HS3ST3A1: variants seen among roughly 807,000 people sequenced by gnomAD.
HS3ST3A1 encodes heparan sulfate glucosamine 3-O-sulfotransferase 3A1.
In HS3ST3A1, 19 loss-of-function variants were observed where a neutral mutation model predicts 25.7. That is an observed-to-expected ratio of 0.74 (90% confidence interval 0.52 to 1.08). HS3ST3A1 has a LOEUF of 1.08. Ranked by LOEUF, HS3ST3A1 falls within the 50% of genes least tolerant of loss-of-function variation. The pLI, the probability that HS3ST3A1 is intolerant of heterozygous loss-of-function variation, is 0.00. For synonymous variants in HS3ST3A1, 226 were observed against 278.6 expected (o/e 0.81, Z 1.88); for missense variants, 459 against 594.3 (o/e 0.77, Z 2.37).
Position 13,574,763 on chromosome 17 carries a change from A to C in HS3ST3A1, c.599+25768T>G, listed in dbSNP as rs199534094. Among the ~76,000 whole-genome samples the C allele has an allele frequency of 3.0e-4, 14 of 46,190 alleles. 1 individual carries two copies. The highest frequency in any genetic ancestry group is 1.2e-3 in the African/African-American group (13 of 10,852). 30.3% of individuals were successfully genotyped at this position (46,190 alleles called of 152,430 possible). A position where few individuals can be genotyped will look rare whatever the true frequency, so the allele number is the denominator to read the frequency against. On this transcript the variant is annotated intron_variant, in intron 1 of 1. Transcript: ENST00000284110. ...AAATACACACACACACACACACAAAAAACACACAAAAAAAATGAAGGGCAT... is the reference window on the plus strand; with the variant it reads ...AAATACACACACACACACACACAAACAACACACAAAAAAAATGAAGGGCAT...
At chr17:13,515,537 TC>T (rs1906027333) in intron 1 of HS3ST3A1, among the ~76,000 whole-genome samples, 2 of 151,380 alleles carry the variant, frequency 1.3e-5, no homozygotes, top group South Asian at 4.2e-4. Flanking sequence ...GATTTGTTTA[TC>T]CATTTAACTG....
At chr17:13,568,669 T>G (rs1907732326) in intron 1 of HS3ST3A1, among the ~76,000 whole-genome samples, 1 of 152,226 alleles carries the variant, frequency 6.6e-6, no homozygotes, top group African/African-American at 2.4e-5. Flanking sequence ...TACTGCCTCT[T>G]CCACACGGTA....
At chr17:13,510,718 T>A (rs1905834092) in intron 1 of HS3ST3A1, among the ~76,000 whole-genome samples, 1 of 152,026 alleles carries the variant, frequency 6.6e-6, no homozygotes, top group African/African-American at 2.4e-5. Context: ...ATTTTTTTTT[T>A]TTTTTATACG....
chr17:13,520,545 G>T (rs1405309541), intron 1 of HS3ST3A1, among the ~76,000 whole-genome samples: 1 of 152,114 alleles, frequency 6.6e-6, no homozygotes, highest in African/African-American at 2.4e-5. Context: ...ACCAGTCTAT[G>T]TCTGTAGAAC....
intron 1 of HS3ST3A1, among the ~76,000 whole-genome samples, chr17:13,530,776 C>T (rs1409436497): frequency 5.3e-5 from 8 of 152,122 alleles, no homozygotes; most frequent in Admixed American, 3.9e-4. Context: ...AACTCAATCG[C>T]TCAGTTTTCT....
chr17:13,502,061 T>G, intron 1 of HS3ST3A1, among the ~76,000 whole-genome samples: 1 of 152,114 alleles, frequency 6.6e-6, no homozygotes, highest in South Asian at 2.1e-4. Context: ...TTTTCCTATC[T>G]GGCTCAAACA....
intron 1 of HS3ST3A1, among the ~76,000 whole-genome samples, chr17:13,573,723 C>T (rs754571556): frequency 6.6e-6 from 1 of 152,152 alleles, no homozygotes; most frequent in South Asian, 2.1e-4. Context: ...GTACCCCTCC[C>T]CCAAATTCAT....
chr17:13,556,591 T>C (rs1188154064), intron 1 of HS3ST3A1, among the ~76,000 whole-genome samples: 8 of 149,512 alleles, frequency 5.4e-5, no homozygotes, highest in Non-Finnish European at 1.0e-4. Flanking sequence ...TGGTGGCTCA[T>C]GCCTGTAATC....
intron 1 of HS3ST3A1, 73 bp from the exon 2 acceptor site, chr17:13,496,891 G>T: frequency 6.5e-7 from 1 of 1,540,610 alleles, no homozygotes; most frequent in Middle Eastern, 1.8e-4. Flanking sequence ...TCAAGTACAC[G>T]CTGGAGCCAG....
At chr17:13,562,034 C>T (rs1028783323) in intron 1 of HS3ST3A1, among the ~76,000 whole-genome samples, 8 of 152,002 alleles carry the variant, frequency 5.3e-5, no homozygotes, top group Non-Finnish European at 1.2e-4. Context: ...CGCCCATGTC[C>T]CTTATAAACG....
intron 1 of HS3ST3A1, among the ~76,000 whole-genome samples, chr17:13,505,326 A>T (rs564169437): frequency 1.3e-5 from 2 of 152,328 alleles, no homozygotes; most frequent in East Asian, 3.9e-4. Flanking sequence ...CTAAATCCTG[A>T]ATTGAATACA....
At chr17:13,516,655 G>A (rs943422804) in intron 1 of HS3ST3A1, among the ~76,000 whole-genome samples, 2 of 152,176 alleles carry the variant, frequency 1.3e-5, no homozygotes, top group Non-Finnish European at 2.9e-5. Flanking sequence ...AGATCTTGAT[G>A]TTTCATTTGA....
chr17:13,547,225 T>A (rs1034318974), intron 1 of HS3ST3A1, among the ~76,000 whole-genome samples: 9 of 152,090 alleles, frequency 5.9e-5, no homozygotes, highest in African/African-American at 1.9e-4. Context: ...TTAAAAAAAA[T>A]TTGGTCTTTG....
chr17:13,580,925 A>T (rs1403652346), intron 1 of HS3ST3A1, among the ~76,000 whole-genome samples: 1 of 151,990 alleles, frequency 6.6e-6, no homozygotes, highest in African/African-American at 2.4e-5. Flanking sequence ...CACACAGTCA[A>T]TTGAGGTCTC....
At chr17:13,562,915 T>C (rs562123522) in intron 1 of HS3ST3A1, among the ~76,000 whole-genome samples, 2 of 152,168 alleles carry the variant, frequency 1.3e-5, no homozygotes, top group Admixed American at 1.3e-4. Flanking sequence ...CCCTAGCTTC[T>C]TTTACAAGGG....
intron 1 of HS3ST3A1, among the ~76,000 whole-genome samples, chr17:13,568,920 T>C (rs1001438459): frequency 2.6e-5 from 4 of 152,208 alleles, no homozygotes; most frequent in Non-Finnish European, 4.4e-5. Flanking sequence ...CATGCAAACA[T>C]AGAGCTCAGA....
At chr17:13,543,589 C>T (rs536372710) in intron 1 of HS3ST3A1, 3 of 167,654 alleles carry the variant, frequency 1.8e-5, no homozygotes, top group South Asian at 4.1e-4. Context: ...TTTGCTATTA[C>T]TTTCAATGAC....
chr17:13,566,757 T>G (rs1907685399), intron 1 of HS3ST3A1, among the ~76,000 whole-genome samples: 1 of 151,804 alleles, frequency 6.6e-6, no homozygotes, highest in South Asian at 2.1e-4. Flanking sequence ...AGGCCCTAAC[T>G]CTCTCATATT....
chr17:13,499,211 C>T (rs60346907), intron 1 of HS3ST3A1, among the ~76,000 whole-genome samples: 20 of 152,236 alleles, frequency 1.3e-4, no homozygotes, highest in African/African-American at 3.4e-4. Context: ...GCAGATTCCG[C>T]GGTGTGACAT....
Sources: allele counts gnomAD v4.1 joint callset (sites outside exome capture counted in the v4.1 genomes callset), GRCh38; gene constraint gnomAD v4.1.1; transcripts MANE v1.5; gene names NCBI Gene and HGNC (gene_info 2026-07-23, HGNC 2026-07-21).